ESRRG: variants seen among roughly 807,000 people sequenced by gnomAD.
The protein encoded by ESRRG is estrogen-related receptor gamma.
Under a neutral mutation model 44.0 loss-of-function variants are expected in ESRRG, and 13 were observed. That is an observed-to-expected ratio of 0.30 (90% confidence interval 0.19 to 0.47). ESRRG has a LOEUF of 0.47. ESRRG is among the 20% of genes least tolerant of loss of function. The pLI is 1.00. For synonymous variants in ESRRG, 215 were observed against 214.6 expected (o/e 1.00, Z -0.02); for missense variants, 395 against 580.6 (o/e 0.68, Z 3.29).
rs181777481 is a variant in ESRRG, at chr1:216,634,472, A to G, written c.589+16501T>C. Among the ~76,000 whole-genome samples the G allele has an allele frequency of 2.0e-5, 3 of 152,314 alleles. No homozygotes were observed. The East Asian group carries it at 5.8e-4, about 29-fold the overall frequency. ...AAAGAACAAAATGGAATACATTGTA[A>G]GTAATTCAGAATGCCTCCAGACTTT... On this transcript the variant is annotated intron_variant, in intron 3 of 6. Transcript: ENST00000408911.
At chr1:217,119,912 C>A (rs535621413) in intron 1 of ESRRG, among the ~76,000 whole-genome samples, 19 of 152,280 alleles carry the variant, frequency 1.2e-4, no homozygotes, top group African/African-American at 4.1e-4. Context: ...ATAATTTATT[C>A]ACAAACATTG....
intron 1 of ESRRG, among the ~76,000 whole-genome samples, chr1:217,015,731 A>AATTT (rs759911532): frequency 7.0e-5 from 10 of 142,136 alleles, no homozygotes; most frequent in Non-Finnish European, 7.7e-5. Context: ...GGGCAGCTAG[A>AATTT]TTTTTTTTTT....
chr1:216,848,861 C>T (rs11117701), intron 2 of ESRRG, among the ~76,000 whole-genome samples: 44,481 of 151,588 alleles, frequency 0.29, 7,313 homozygotes, highest in African/African-American at 0.44. Flanking sequence ...AATACTAGCG[C>T]TGGATATGCA....
intron 1 of ESRRG, among the ~76,000 whole-genome samples, chr1:216,719,906 C>T (rs954078776): frequency 1.3e-5 from 2 of 151,982 alleles, no homozygotes; most frequent in East Asian, 3.9e-4. Flanking sequence ...TAGCTCTGCC[C>T]AGGAAATGAA....
At chr1:216,741,186 T>A (rs1435706080) in intron 2 of ESRRG, among the ~76,000 whole-genome samples, 1 of 147,452 alleles carries the variant, frequency 6.8e-6, no homozygotes, top group Non-Finnish European at 1.5e-5. Context: ...TAATTTATAT[T>A]ATATTTATAT....
chr1:216,921,315 G>A (rs886658173), intron 2 of ESRRG, among the ~76,000 whole-genome samples: 8 of 152,032 alleles, frequency 5.3e-5, no homozygotes, highest in Admixed American at 2.0e-4. Context: ...CTTACTCTGC[G>A]CTCCCTCTGT....
At chr1:216,770,489 T>C (rs2093336741) in intron 2 of ESRRG, among the ~76,000 whole-genome samples, 1 of 152,084 alleles carries the variant, frequency 6.6e-6, no homozygotes, top group East Asian at 1.9e-4. Flanking sequence ...AGATATTTCT[T>C]TTTGCTCTCC....
At chr1:216,568,191 T>C (rs2060026195) in intron 3 of ESRRG, 93 bp from the exon 4 acceptor site, 2 of 862,050 alleles carry the variant, frequency 2.3e-6, no homozygotes, top group African/African-American at 3.3e-5. Context: ...AGCACATAGG[T>C]GACAAACAGT....
chr1:216,929,265 T>C (rs1166527437), intron 2 of ESRRG, among the ~76,000 whole-genome samples: 2 of 151,904 alleles, frequency 1.3e-5, no homozygotes, highest in African/African-American at 2.4e-5. Context: ...CTTCCTTGCT[T>C]CCTTCCTTCC....
At chr1:217,055,030 C>T (rs776146275) in intron 1 of ESRRG, among the ~76,000 whole-genome samples, 49 of 152,086 alleles carry the variant, frequency 3.2e-4, no homozygotes, top group African/African-American at 1.1e-3. Context: ...ACTAGGTGTG[C>T]GATCAAGAAA....
chr1:217,072,381 T>A (rs1042281421), intron 1 of ESRRG, among the ~76,000 whole-genome samples: 1 of 152,342 alleles, frequency 6.6e-6, no homozygotes, highest in East Asian at 1.9e-4. Context: ...AAGACTTTTC[T>A]CATAATTCTA....
At position 217,126,386 on chromosome 1, in the gene ESRRG, G is replaced by C. The variant is rs184986567; in HGVS notation, c.-230+11281C>G. 1.2e-4 allele frequency among the ~76,000 whole-genome samples: 18 copies of C among 152,196 alleles called. 1 individual carries two copies. The highest frequency in any genetic ancestry group is 7.2e-4 in the Admixed American group (11 of 15,288). On this transcript the variant is annotated intron_variant, in intron 1 of 8. Transcript: ENST00000366940. ...TAAACAAATTATATCACGCCAAGTGGTACAGTGCAGAAAGGTTTTCTGCTG... is the reference window on the plus strand; with the variant it reads ...TAAACAAATTATATCACGCCAAGTGCTACAGTGCAGAAAGGTTTTCTGCTG...
chr1:216,524,891 C>T (rs998279353), intron 5 of ESRRG, among the ~76,000 whole-genome samples: 11 of 152,074 alleles, frequency 7.2e-5, no homozygotes, highest in East Asian at 3.9e-4. Flanking sequence ...AGAACAGAAA[C>T]GCAAAGGTAA....
intron 1 of ESRRG, chr1:216,707,426 A>G: frequency 5.2e-6 from 8 of 1,535,896 alleles, no homozygotes; most frequent in Non-Finnish European, 7.0e-6. Context: ...CATTCTCGCC[A>G]CATTCAGGAT....
At chr1:216,600,671 A>T (rs2059090557) in intron 3 of ESRRG, among the ~76,000 whole-genome samples, 2 of 152,228 alleles carry the variant, frequency 1.3e-5, no homozygotes, top group Non-Finnish European at 2.9e-5. Context: ...TCTTAAAAAA[A>T]AATCCCAAAT....
chr1:216,761,005 G>A (rs946817063), intron 2 of ESRRG, among the ~76,000 whole-genome samples: 2 of 151,836 alleles, frequency 1.3e-5, no homozygotes, highest in Non-Finnish European at 2.9e-5. Flanking sequence ...TGTTCATATC[G>A]GCTCCATCTA....
At chr1:216,721,171 T>A (rs1278899597) in intron 1 of ESRRG, among the ~76,000 whole-genome samples, 1 of 152,222 alleles carries the variant, frequency 6.6e-6, no homozygotes, top group African/African-American at 2.4e-5. Context: ...AAATACATAG[T>A]TAGAGGTTAA....
At chr1:216,979,522 A>G (rs2073573678) in intron 1 of ESRRG, among the ~76,000 whole-genome samples, 1 of 152,108 alleles carries the variant, frequency 6.6e-6, no homozygotes, top group Admixed American at 6.6e-5. Flanking sequence ...CCATGATATC[A>G]GAGAGACAAT....
At chr1:216,936,393 A>G (rs2064153504) in intron 2 of ESRRG, among the ~76,000 whole-genome samples, 1 of 152,240 alleles carries the variant, frequency 6.6e-6, no homozygotes. Flanking sequence ...CAAGCATATT[A>G]CCATTAACAG....
Sources: allele counts gnomAD v4.1 joint callset (sites outside exome capture counted in the v4.1 genomes callset), GRCh38; gene constraint gnomAD v4.1.1; transcripts MANE v1.5; gene names NCBI Gene and HGNC (gene_info 2026-07-23, HGNC 2026-07-21).